HEMK2: variants seen among roughly 807,000 people sequenced by gnomAD.
HEMK2 encodes the protein HemK methyltransferase 2, ETF1 glutamine and histone H4 lysine, also known as methyltransferase HEMK2.
At chr21:28,610,186 C>T in the HEMK2 span, among the ~76,000 whole-genome samples, 1 of 152,168 alleles carries the variant, frequency 6.6e-6, no homozygotes, top group Admixed American at 6.5e-5. Flanking sequence ...AAAGAAAACC[C>T]TGTCTGATTA....
the HEMK2 span, among the ~76,000 whole-genome samples, chr21:28,836,604 AAAAC>A: frequency 1.3e-5 from 2 of 152,162 alleles, no homozygotes; most frequent in Admixed American, 6.5e-5. Context: ...ACAAAAAACA[AAAAC>A]AAAGTATACA....
the HEMK2 span, among the ~76,000 whole-genome samples, chr21:28,858,186 C>T: frequency 2.0e-5 from 3 of 152,174 alleles, no homozygotes; most frequent in Non-Finnish European, 4.4e-5. Context: ...TTGTACATAG[C>T]AAATAGCTAT....
the HEMK2 span, among the ~76,000 whole-genome samples, chr21:28,796,970 A>G: frequency 1.9e-4 from 29 of 152,244 alleles, 1 homozygote; most frequent in African/African-American, 5.5e-4. Flanking sequence ...TATTTTGTAT[A>G]TTTATATTTT....
chr21:28,860,959 T>C, the HEMK2 span, among the ~76,000 whole-genome samples: 7 of 152,214 alleles, frequency 4.6e-5, no homozygotes, highest in African/African-American at 1.7e-4. Context: ...CTGATCTTCC[T>C]TGGTTTAATG....
the HEMK2 span, among the ~76,000 whole-genome samples, chr21:28,678,979 G>A: frequency 6.6e-6 from 1 of 152,146 alleles, no homozygotes; most frequent in Non-Finnish European, 1.5e-5. Flanking sequence ...GGAAGAAAAC[G>A]CATCAACTAA....
the HEMK2 span, among the ~76,000 whole-genome samples, chr21:28,842,898 G>A: frequency 1.3e-5 from 2 of 152,242 alleles, no homozygotes; most frequent in South Asian, 4.1e-4. Flanking sequence ...GTAAAAACCT[G>A]CTGCTAAGTG....
the HEMK2 span, among the ~76,000 whole-genome samples, chr21:28,791,771 A>C: frequency 6.6e-6 from 1 of 152,074 alleles, no homozygotes; most frequent in Non-Finnish European, 1.5e-5. Flanking sequence ...TGCCCAAATT[A>C]CCAGAGTGAC....
the HEMK2 span, among the ~76,000 whole-genome samples, chr21:28,601,771 C>A: frequency 1.3e-5 from 2 of 152,188 alleles, no homozygotes; most frequent in African/African-American, 4.8e-5. Context: ...CTATTAAGTA[C>A]TCAACACAGA....
At chr21:28,621,241 T>C in the HEMK2 span, among the ~76,000 whole-genome samples, 2 of 152,194 alleles carry the variant, frequency 1.3e-5, no homozygotes, top group Non-Finnish European at 2.9e-5. Flanking sequence ...GTTAGCTGTG[T>C]CCCAGAGATT....
the HEMK2 span, among the ~76,000 whole-genome samples, chr21:28,643,855 G>C: frequency 1.3e-5 from 2 of 152,238 alleles, no homozygotes; most frequent in Non-Finnish European, 2.9e-5. Context: ...AGGAAGCTCT[G>C]CTCCATGTAG....
At chr21:28,704,689 C>T in the HEMK2 span, among the ~76,000 whole-genome samples, 1 of 152,060 alleles carries the variant, frequency 6.6e-6, no homozygotes, top group Non-Finnish European at 1.5e-5. Flanking sequence ...CTAATTTACC[C>T]CTGACTTTCA....
At chr21:28,852,932 C>T in the HEMK2 span, among the ~76,000 whole-genome samples, 6 of 152,182 alleles carry the variant, frequency 3.9e-5, no homozygotes, top group African/African-American at 1.4e-4. Context: ...ACCCACCTTG[C>T]CTTTGATGGT....
chr21:28,729,633 C>CAAAAAAA, the HEMK2 span, among the ~76,000 whole-genome samples: 1 of 119,026 alleles, frequency 8.4e-6, no homozygotes, highest in Non-Finnish European at 1.9e-5. Flanking sequence ...TGCTGATAAG[C>CAAAAAAA]AAAAAAAAAA....
chr21:28,852,097 T>C, the HEMK2 span, among the ~76,000 whole-genome samples: 1 of 152,236 alleles, frequency 6.6e-6, no homozygotes, highest in Non-Finnish European at 1.5e-5. Context: ...GGGGATGTGG[T>C]GGCGATCACC....
chr21:28,700,280 T>C, the HEMK2 span, among the ~76,000 whole-genome samples: 13 of 152,178 alleles, frequency 8.5e-5, no homozygotes, highest in African/African-American at 2.9e-4. Flanking sequence ...TCATAATCAA[T>C]GGTATTTGAA....
chr21:28,699,001 G>T, the HEMK2 span, among the ~76,000 whole-genome samples: 1 of 152,064 alleles, frequency 6.6e-6, no homozygotes, highest in Non-Finnish European at 1.5e-5. Flanking sequence ...CAACCAAAAT[G>T]TAAGCATTCA....
the HEMK2 span, among the ~76,000 whole-genome samples, chr21:28,742,327 G>A: frequency 5.3e-5 from 8 of 152,250 alleles, no homozygotes; most frequent in South Asian, 4.1e-4. Flanking sequence ...TTTGTGCCTC[G>A]GTCTTAAAGC....
chr21:28,732,147 G>C, the HEMK2 span, among the ~76,000 whole-genome samples: 1 of 152,244 alleles, frequency 6.6e-6, no homozygotes, highest in African/African-American at 2.4e-5. Flanking sequence ...TGAGGTACAG[G>C]GCTGGACAAT....
chr21:28,666,343 A>G, the HEMK2 span, among the ~76,000 whole-genome samples: 1 of 152,220 alleles, frequency 6.6e-6, no homozygotes, highest in Non-Finnish European at 1.5e-5. Context: ...TGCAGTATAC[A>G]TTTAAGATTC....
Sources: allele counts gnomAD v4.1 joint callset (sites outside exome capture counted in the v4.1 genomes callset), GRCh38; gene constraint gnomAD v4.1.1; transcripts MANE v1.5; gene names NCBI Gene and HGNC (gene_info 2026-07-23, HGNC 2026-07-21).